Variants in DOK6 observed in about 807,000 individuals in gnomAD.
DOK6 encodes downstream of tyrosine kinase 6.
DOK6 carries 22 observed loss-of-function variants against 44.0 expected under a neutral mutation model. The observed-to-expected ratio is 0.50, with a 90% CI of 0.36 to 0.71. The LOEUF is 0.71. DOK6 is among the 30% of genes least tolerant of loss of function. The pLI is 0.00. For missense variants in DOK6, 340 were observed against 416.4 expected (o/e 0.82, Z 1.60); for synonymous variants, 166 against 145.5 (o/e 1.14, Z -1.01).
chr18:69,792,320 A>G (rs1411826787), intron 7 of DOK6, among the ~76,000 whole-genome samples: 1 of 152,104 alleles, frequency 6.6e-6, no homozygotes, highest in East Asian at 1.9e-4. Flanking sequence ...CACTGAATCT[A>G]TAGATTGCTA....
chr18:69,401,567 A>T (rs540118413), intron 1 of DOK6, among the ~76,000 whole-genome samples: 29 of 152,226 alleles, frequency 1.9e-4, no homozygotes, highest in South Asian at 4.1e-4. Context: ...CGTGCGGGGA[A>T]GTCAGTAGAC....
At chr18:69,439,061 T>G (rs1475565671) in intron 1 of DOK6, among the ~76,000 whole-genome samples, 5 of 64,088 alleles carry the variant, frequency 7.8e-5, no homozygotes, top group Admixed American at 7.1e-4. Flanking sequence ...TGAGACCTGG[T>G]CTCAAAAAAC....
chr18:69,537,583 G>A (rs1389652114), intron 1 of DOK6, among the ~76,000 whole-genome samples: 1 of 152,132 alleles, frequency 6.6e-6, no homozygotes, highest in Non-Finnish European at 1.5e-5. Flanking sequence ...TAATTATTGA[G>A]CACTTATTAT....
At chr18:69,505,136 T>C (rs1199734302) in intron 1 of DOK6, among the ~76,000 whole-genome samples, 1 of 152,198 alleles carries the variant, frequency 6.6e-6, no homozygotes, top group South Asian at 2.1e-4. Context: ...TGAAAATAAA[T>C]ACTACTAAAA....
intron 7 of DOK6, among the ~76,000 whole-genome samples, chr18:69,829,962 A>G (rs1274264535): frequency 6.6e-6 from 1 of 152,296 alleles, no homozygotes; most frequent in South Asian, 2.1e-4. Flanking sequence ...GTGACATATA[A>G]CAGCCATTAA....
intron 1 of DOK6, among the ~76,000 whole-genome samples, chr18:69,484,934 G>A (rs1980531878): frequency 6.6e-6 from 1 of 152,140 alleles, no homozygotes. Flanking sequence ...AGCTGGAACA[G>A]GAAGGAAGAG....
intron 3 of DOK6, among the ~76,000 whole-genome samples, chr18:69,645,718 A>G (rs148038648): frequency 6.6e-6 from 1 of 152,264 alleles, no homozygotes; most frequent in Non-Finnish European, 1.5e-5. Flanking sequence ...TACAAAAAAA[A>G]CCTTGTACAT....
intron 7 of DOK6, among the ~76,000 whole-genome samples, chr18:69,798,716 A>G (rs1357234877): frequency 6.6e-6 from 1 of 151,646 alleles, no homozygotes; most frequent in African/African-American, 2.4e-5. Context: ...AACTAAATCA[A>G]TTGTATCATA....
chr18:69,548,937 CA>C (rs746865103), intron 1 of DOK6, among the ~76,000 whole-genome samples: 1 of 150,378 alleles, frequency 6.6e-6, no homozygotes, highest in Non-Finnish European at 1.5e-5. Context: ...ACTAAAAATA[CA>C]AAAAAAATTA....
intron 3 of DOK6, among the ~76,000 whole-genome samples, chr18:69,649,058 T>C (rs1291673389): frequency 6.6e-6 from 1 of 152,170 alleles, no homozygotes. Context: ...AAAGAAGTGT[T>C]CTTGACTTCT....
chr18:69,837,759 GT>G (rs1413097732), intron 7 of DOK6, among the ~76,000 whole-genome samples: 1 of 152,190 alleles, frequency 6.6e-6, no homozygotes, highest in Non-Finnish European at 1.5e-5. Flanking sequence ...AAGAACTCAT[GT>G]CTGTCTGTTT....
chr18:69,828,837 C>T (rs899100958), intron 7 of DOK6, among the ~76,000 whole-genome samples: 17 of 117,276 alleles, frequency 1.4e-4, no homozygotes, highest in African/African-American at 4.6e-4. Context: ...AAAAAAGAAC[C>T]AAGCTTTGAG....
At chr18:69,481,630 C>G (rs1221363452) in intron 1 of DOK6, among the ~76,000 whole-genome samples, 1 of 152,124 alleles carries the variant, frequency 6.6e-6, no homozygotes, top group African/African-American at 2.4e-5. Flanking sequence ...CATTGTTGGA[C>G]ATTTGGGTTG....
At chr18:69,455,942 A>T (rs931929025) in intron 1 of DOK6, among the ~76,000 whole-genome samples, 7 of 152,310 alleles carry the variant, frequency 4.6e-5, no homozygotes, top group African/African-American at 1.7e-4. Context: ...CTCTAAAGAG[A>T]CCTACACTGA....
At chr18:69,712,803 C>T (rs568624122) in intron 5 of DOK6, among the ~76,000 whole-genome samples, 7 of 152,282 alleles carry the variant, frequency 4.6e-5, no homozygotes, top group East Asian at 3.9e-4. Flanking sequence ...GCCGAGATCA[C>T]GCTACTGCAT....
intron 3 of DOK6, chr18:69,661,383 C>T (rs778665986): frequency 2.0e-5 from 3 of 152,210 alleles, no homozygotes; most frequent in Non-Finnish European, 4.4e-5. Flanking sequence ...TTAATAGCAT[C>T]ACCTTGGGAG....
chr18:69,769,933 G>A (rs916709583), intron 7 of DOK6, among the ~76,000 whole-genome samples: 1 of 152,078 alleles, frequency 6.6e-6, no homozygotes, highest in Non-Finnish European at 1.5e-5. Flanking sequence ...AGATTGCATG[G>A]TCTGAATAGC....
chr18:69,702,890 C>G (rs1450613155), intron 5 of DOK6, among the ~76,000 whole-genome samples: 1 of 152,174 alleles, frequency 6.6e-6, no homozygotes, highest in Non-Finnish European at 1.5e-5. Flanking sequence ...ATTGTGATTA[C>G]TACAGACCAA....
At chr18:69,479,918 A>G (rs895854018) in intron 1 of DOK6, among the ~76,000 whole-genome samples, 4 of 152,194 alleles carry the variant, frequency 2.6e-5, no homozygotes, top group African/African-American at 9.6e-5. Flanking sequence ...TAACTTAATT[A>G]TCAGAAGCAT....
Sources: gnomAD v4.1 joint callset for allele counts (sites outside exome capture counted in the v4.1 genomes callset) on GRCh38, gnomAD v4.1.1 for gene constraint, MANE v1.5 for transcripts, NCBI Gene and HGNC (gene_info 2026-07-23, HGNC 2026-07-21) for gene names.